The following FBXW10B variants were observed in gnomAD, a reference collection of about 807,000 sequenced individuals.
FBXW10B encodes the protein F-box and WD repeat domain containing protein 10B.
the FBXW10B span, among the ~76,000 whole-genome samples, chr17:15,591,404 C>T: frequency 6.6e-6 from 1 of 152,192 alleles, no homozygotes; most frequent in African/African-American, 2.4e-5. Flanking sequence ...ATTCTCGTGC[C>T]TCAGCCTCCT....
At chr17:15,583,984 G>A in the FBXW10B span, among the ~76,000 whole-genome samples, 2,668 of 152,220 alleles carry the variant, frequency 0.018, 61 homozygotes, top group African/African-American at 0.055. Flanking sequence ...CTCTCATATA[G>A]TGCTGGTGGG....
chr17:15,566,737 T>A, the FBXW10B span, among the ~76,000 whole-genome samples: 4 of 150,196 alleles, frequency 2.7e-5, no homozygotes, highest in Admixed American at 2.0e-4. Context: ...ATTTTTTGTA[T>A]TTTTTTTTAG....
the FBXW10B span, among the ~76,000 whole-genome samples, chr17:15,580,260 T>A: frequency 6.6e-6 from 1 of 152,186 alleles, no homozygotes; most frequent in African/African-American, 2.4e-5. Flanking sequence ...TTCTGTGTTG[T>A]TGAAAATTAG....
At chr17:15,572,887 A>G in the FBXW10B span, 2 of 151,834 alleles carry the variant, frequency 1.3e-5, no homozygotes, top group Admixed American at 6.6e-5. Flanking sequence ...AGTTGTACAA[A>G]TGGGGCTGGT....
the FBXW10B span, chr17:15,612,975 C>A: frequency 2.2e-6 from 1 of 460,130 alleles, no homozygotes; most frequent in Non-Finnish European, 2.8e-6. Context: ...TGGCCAGTTC[C>A]TCTGGCAGTG....
At chr17:15,609,743 G>A in the FBXW10B span, among the ~76,000 whole-genome samples, 3 of 151,302 alleles carry the variant, frequency 2.0e-5, no homozygotes, top group East Asian at 1.9e-4. Context: ...ACTCACCTCC[G>A]CTTTTCCCAG....
the FBXW10B span, chr17:15,612,668 C>T: frequency 3.1e-6 from 5 of 1,613,836 alleles, no homozygotes; most frequent in Non-Finnish European, 4.2e-6. Context: ...GAGACGCTCA[C>T]AGCTACTTGC....
At chr17:15,586,110 C>A in the FBXW10B span, among the ~76,000 whole-genome samples, 1 of 151,740 alleles carries the variant, frequency 6.6e-6, no homozygotes, top group African/African-American at 2.4e-5. Flanking sequence ...ATTGTGTGAG[C>A]TAAACCAATT....
the FBXW10B span, among the ~76,000 whole-genome samples, chr17:15,576,272 G>A: frequency 6.6e-6 from 1 of 152,018 alleles, no homozygotes; most frequent in Non-Finnish European, 1.5e-5. Context: ...AAATATTTTA[G>A]AATCAAATAA....
At chr17:15,595,330 C>T in the FBXW10B span, among the ~76,000 whole-genome samples, 1 of 151,556 alleles carries the variant, frequency 6.6e-6, no homozygotes, top group Non-Finnish European at 1.5e-5. Flanking sequence ...CAGAGCGAGA[C>T]TCTGTCTCAA....
chr17:15,583,468 C>T, the FBXW10B span, among the ~76,000 whole-genome samples: 1 of 148,784 alleles, frequency 6.7e-6, no homozygotes, highest in Admixed American at 7.0e-5. Flanking sequence ...ACTACAGCAT[C>T]AGTGCCCCCA....
chr17:15,568,876 T>C, the FBXW10B span: 4 of 1,231,706 alleles, frequency 3.2e-6, no homozygotes, highest in Non-Finnish European at 4.0e-6. Flanking sequence ...TACCCTGGAA[T>C]CTGTGCCCTC....
the FBXW10B span, chr17:15,589,278 C>T: frequency 6.2e-6 from 10 of 1,606,204 alleles, no homozygotes; most frequent in Non-Finnish European, 7.7e-6. Context: ...GGTGGGTGCA[C>T]ATGACATACA....
the FBXW10B span, among the ~76,000 whole-genome samples, chr17:15,566,591 C>T: frequency 1.3e-5 from 2 of 151,604 alleles, no homozygotes; most frequent in African/African-American, 2.4e-5. Context: ...GACGGAGTCT[C>T]GCTCTGTCAC....
At chr17:15,610,365 T>G in the FBXW10B span, among the ~76,000 whole-genome samples, 1 of 151,202 alleles carries the variant, frequency 6.6e-6, no homozygotes. Flanking sequence ...CTGTGTCTCT[T>G]TGTTGTGCTT....
At chr17:15,594,641 A>T in the FBXW10B span, 1 of 1,176,518 alleles carries the variant, frequency 8.5e-7, no homozygotes, top group Non-Finnish European at 1.2e-6. Context: ...GGTGCAGAGA[A>T]CACGATGTCT....
chr17:15,594,587 A>G, the FBXW10B span: 7 of 853,444 alleles, frequency 8.2e-6, no homozygotes, highest in East Asian at 2.7e-5. Flanking sequence ...GATGGTGGGG[A>G]AAAATGGGTC....
the FBXW10B span, among the ~76,000 whole-genome samples, chr17:15,569,455 C>CTTTTTTTTTTTTTT: frequency 3.4e-5 from 2 of 59,192 alleles, no homozygotes; most frequent in African/African-American, 8.2e-5. Context: ...TTTTCTTTTT[C>CTTTTTTTTTTTTTT]TTTTTTTTTT....
the FBXW10B span, among the ~76,000 whole-genome samples, chr17:15,604,603 C>T: frequency 2.0e-5 from 3 of 152,026 alleles, no homozygotes; most frequent in Admixed American, 1.3e-4. Flanking sequence ...GGCGCGATCT[C>T]GGCTCACTGC....
Sources: gnomAD v4.1 joint callset for allele counts (sites outside exome capture counted in the v4.1 genomes callset) on GRCh38, gnomAD v4.1.1 for gene constraint, MANE v1.5 for transcripts, NCBI Gene and HGNC (gene_info 2026-07-23, HGNC 2026-07-21) for gene names.